Variants in FAM20C observed in about 807,000 individuals in gnomAD.
FAM20C encodes extracellular serine/threonine protein kinase FAM20C.
FAM20C carries 40 observed loss-of-function variants against 51.5 expected under a neutral mutation model. The observed-to-expected ratio is 0.78, with a 90% CI of 0.60 to 1.01. FAM20C has a LOEUF of 1.01. FAM20C is among the 50% of genes least tolerant of loss of function. The pLI is 0.00. For synonymous variants in FAM20C, 406 were observed against 380.6 expected (o/e 1.07, Z -0.78); for missense variants, 861 against 844.7 (o/e 1.02, Z -0.24).
intron 3 of FAM20C, among the ~76,000 whole-genome samples, chr7:235,672 A>C (rs1367014966): frequency 6.6e-6 from 1 of 152,078 alleles, no homozygotes; most frequent in Non-Finnish European, 1.5e-5. Flanking sequence ...GCGGCCTTGG[A>C]GTTGCTGGAG....
At chr7:211,341 C>T (rs996575118) in intron 3 of FAM20C, among the ~76,000 whole-genome samples, 4 of 149,524 alleles carry the variant, frequency 2.7e-5, no homozygotes, top group African/African-American at 7.5e-5. Context: ...CCTCCCGAAA[C>T]CTCCCCCAGA....
At chr7:252,917 G>A (rs929752136) in intron 5 of FAM20C, among the ~76,000 whole-genome samples, 4 of 152,258 alleles carry the variant, frequency 2.6e-5, no homozygotes, top group Admixed American at 6.5e-5. Flanking sequence ...TCCCAGAGGT[G>A]CACAGGTCAT....
intron 3 of FAM20C, among the ~76,000 whole-genome samples, chr7:241,077 T>C (rs1787934066): frequency 9.6e-6 from 1 of 104,496 alleles, no homozygotes; most frequent in African/African-American, 4.9e-5. Flanking sequence ...TGGGGTGAGC[T>C]TCGGGGTGAA....
At chr7:220,976 G>C (rs1269428065) in intron 3 of FAM20C, among the ~76,000 whole-genome samples, 1,663 of 136,450 alleles carry the variant, frequency 0.012, 124 homozygotes, top group African/African-American at 0.047. Flanking sequence ...GCACAGGGCG[G>C]AGGCTCGTCT....
At chr7:219,676 G>A (rs2115094086) in intron 3 of FAM20C, among the ~76,000 whole-genome samples, 1 of 152,314 alleles carries the variant, frequency 6.6e-6, no homozygotes, top group East Asian at 1.9e-4. Flanking sequence ...GAGACTCCTG[G>A]GTGAATCCTG....
chr7:231,934 C>T (rs1787705481), intron 3 of FAM20C, among the ~76,000 whole-genome samples: 1 of 152,204 alleles, frequency 6.6e-6, no homozygotes, highest in African/African-American at 2.4e-5. Context: ...GGACTCCATC[C>T]TCCGGCCCCA....
chr7:198,067 T>C (rs62428650), intron 2 of FAM20C, among the ~76,000 whole-genome samples: 10,426 of 152,286 alleles, frequency 0.068, 410 homozygotes, highest in Non-Finnish European at 0.083. Context: ...ACTGAAGGCC[T>C]GCCCCAGCTG....
chr7:220,374 G>A (rs28435426), intron 3 of FAM20C, among the ~76,000 whole-genome samples: 60,653 of 152,082 alleles, frequency 0.4, 12,079 homozygotes, highest in Admixed American at 0.44. Context: ...TGCTGCTCAC[G>A]CAGGTTCCCA....
At chr7:208,838 C>T (rs1786569830) in intron 2 of FAM20C, 60 bp from the exon 3 acceptor site, 2 of 1,517,836 alleles carry the variant, frequency 1.3e-6, no homozygotes, top group South Asian at 1.2e-5. Flanking sequence ...CTCGTCCGCA[C>T]AGGAGAAGAA....
At chr7:217,512 G>T (rs967954144) in intron 3 of FAM20C, among the ~76,000 whole-genome samples, 1 of 31,954 alleles carries the variant, frequency 3.1e-5, no homozygotes. Flanking sequence ...GTGCTGAGAT[G>T]GTGGCCTCGG....
chr7:213,743 G>A (rs761220736), intron 3 of FAM20C, among the ~76,000 whole-genome samples: 18 of 152,180 alleles, frequency 1.2e-4, no homozygotes, highest in African/African-American at 3.9e-4. Flanking sequence ...CTGACTGTCC[G>A]TTTTCTGCAG....
intron 3 of FAM20C, among the ~76,000 whole-genome samples, chr7:215,249 TGGTGTATGGAGAGGATGGAGCTGGGTGG>T (rs1562375406): frequency 2.6e-5 from 3 of 115,590 alleles, no homozygotes; most frequent in African/African-American, 6.1e-5. Flanking sequence ...GCAGGGCCCC[TGGTGTATGGAGAGGATGGAGCTGGGTGG>T]GGGGAGCAGG....
At chr7:216,652 A>AGAGACAGAGTGTGTGAGTGTGTGTGT (rs1786985624) in intron 3 of FAM20C, among the ~76,000 whole-genome samples, 1 of 105,366 alleles carries the variant, frequency 9.5e-6, no homozygotes, top group Admixed American at 1.0e-4. Flanking sequence ...AGTGTGTGTG[A>AGAGACAGAGTGTGTGAGTGTGTGTGT]GTGTGTGTGT....
At position 232,516 on chromosome 7, in the gene FAM20C, A is replaced by T. The variant is rs1046316569; in HGVS notation, c.864-13899A>T. Among the ~76,000 whole-genome samples, 87 of 152,234 alleles carry T rather than the reference A, an allele frequency of 5.7e-4. 4 individuals are homozygous for T. Among genetic ancestry groups the T allele is most frequent in the Non-Finnish European group, 1.0e-4 (7 of 68,040 alleles). ...AATCAATTCACTCAAACAGCTTAGC[A>T]CAGCGCTTAGCTCAGAGTGAGAGCC... On this transcript the variant is annotated intron_variant, in intron 3 of 9. Transcript: ENST00000313766.
chr7:252,871 C>T (rs1788453519), intron 5 of FAM20C, among the ~76,000 whole-genome samples: 1 of 152,264 alleles, frequency 6.6e-6, no homozygotes, highest in South Asian at 2.1e-4. Context: ...CACTCCCCTA[C>T]TTCTCACGTA....
intron 3 of FAM20C, among the ~76,000 whole-genome samples, chr7:226,598 G>T (rs1476058046): frequency 6.6e-6 from 1 of 152,080 alleles, no homozygotes; most frequent in Admixed American, 6.5e-5. Context: ...CCACCCTCTC[G>T]CAGGTCTGTG....
intron 3 of FAM20C, among the ~76,000 whole-genome samples, chr7:216,672 A>AGTGTGTGAGTGTGT (rs1554251132): frequency 3.8e-5 from 4 of 104,786 alleles, no homozygotes; most frequent in African/African-American, 1.4e-4. Flanking sequence ...TGAGAGACAG[A>AGTGTGTGAGTGTGT]GTGTGTGTGA....
At chr7:256,861 C>A in intron 7 of FAM20C, 98 bp downstream of exon 7, 1 of 1,424,508 alleles carries the variant, frequency 7.0e-7, no homozygotes, top group Non-Finnish European at 9.5e-7. Context: ...CACGGCCCGG[C>A]TGCGGTCCTG....
intron 3 of FAM20C, among the ~76,000 whole-genome samples, chr7:236,157 C>T (rs1351213422): frequency 6.6e-6 from 1 of 151,850 alleles, no homozygotes; most frequent in Non-Finnish European, 1.5e-5. Flanking sequence ...GGGGCTGAAT[C>T]AGCAGCATCC....
Sources: allele counts gnomAD v4.1 joint callset (sites outside exome capture counted in the v4.1 genomes callset), GRCh38; gene constraint gnomAD v4.1.1; transcripts MANE v1.5; gene names NCBI Gene and HGNC (gene_info 2026-07-23, HGNC 2026-07-21).